Variants in PTCSC3 observed in about 807,000 individuals in gnomAD.
PTCSC3 encodes the protein papillary thyroid carcinoma susceptibility candidate 3.
chr14:36,145,854 A>G (rs933779189), intron 3 of PTCSC3, among the ~76,000 whole-genome samples: 1 of 148,328 alleles, frequency 6.7e-6, no homozygotes, highest in Non-Finnish European at 1.5e-5. Context: ...AGATTCTGGT[A>G]TGTTGTGTCT....
At chr14:36,156,090 T>C (rs955134387) in intron 2 of PTCSC3, among the ~76,000 whole-genome samples, 3 of 152,210 alleles carry the variant, frequency 2.0e-5, no homozygotes, top group African/African-American at 4.8e-5. Flanking sequence ...TGTCCAAAAC[T>C]GGTTTTTCTA....
intron 1 of PTCSC3, among the ~76,000 whole-genome samples, chr14:36,166,826 G>T (rs1882095953): frequency 6.6e-6 from 1 of 152,132 alleles, no homozygotes; most frequent in South Asian, 2.1e-4. Context: ...CTATTAAAGG[G>T]TTGAAGCATT....
chr14:36,161,694 T>C, intron 2 of PTCSC3, among the ~76,000 whole-genome samples: 1 of 152,180 alleles, frequency 6.6e-6, no homozygotes, highest in South Asian at 2.1e-4. Context: ...TCAGGAGACA[T>C]GGGGGTCAGG....
At chr14:36,164,089 T>A (rs974412477) in intron 1 of PTCSC3, 3 of 152,206 alleles carry the variant, frequency 2.0e-5, no homozygotes, top group African/African-American at 7.2e-5. Flanking sequence ...TATAACACAA[T>A]CAAATTTTCT....
At chr14:36,148,688 C>T (rs1881651396) in intron 3 of PTCSC3, among the ~76,000 whole-genome samples, 2 of 152,176 alleles carry the variant, frequency 1.3e-5, no homozygotes, top group African/African-American at 4.8e-5. Context: ...TGGCTCCTCC[C>T]CCCATTCAAT....
intron 2 of PTCSC3, among the ~76,000 whole-genome samples, chr14:36,159,608 T>C (rs1169142): frequency 0.61 from 93,195 of 151,966 alleles, 29,420 homozygotes; most frequent in Middle Eastern, 0.69. Flanking sequence ...GTATGAGATA[T>C]TGTTTGTTAT....
chr14:36,149,290 C>G (rs1311003943), intron 3 of PTCSC3, among the ~76,000 whole-genome samples: 1 of 152,056 alleles, frequency 6.6e-6, no homozygotes, highest in African/African-American at 2.4e-5. Context: ...TATTTGAGAT[C>G]CATCTCGATA....
chr14:36,167,570 C>A (rs1187939758), intron 1 of PTCSC3, among the ~76,000 whole-genome samples: 1 of 152,180 alleles, frequency 6.6e-6, no homozygotes. Flanking sequence ...TCCTAGTTCT[C>A]GATGTTATCC....
At chr14:36,172,302 G>GC (rs1882206744) in intron 1 of PTCSC3, among the ~76,000 whole-genome samples, 1 of 152,020 alleles carries the variant, frequency 6.6e-6, no homozygotes, top group Non-Finnish European at 1.5e-5. Context: ...CATCTACTCT[G>GC]CCAACTAAAA....
rs56394642 is a variant in PTCSC3, at chr14:36,154,067, G to GAA, written n.232-175_232-174dup. Among the ~76,000 whole-genome samples the GAA allele has an allele frequency of 6.3e-3, 914 of 144,720 alleles. 7 individuals carry two copies. The highest frequency in any genetic ancestry group is 0.021 in the Middle Eastern group (6 of 284). 94.9% of individuals were successfully genotyped at this position (144,720 alleles called of 152,430 possible). ...GGGTGACACAGTGGGACCCTGTCTC[G>GAA]AAAAAAAAAAAAACTACTGCTACAA... On this transcript the variant is annotated intron_variant and non_coding_transcript_variant, in intron 2 of 3. Transcript: ENST00000556013.
At chr14:36,169,267 A>G (rs1882151682) in intron 1 of PTCSC3, among the ~76,000 whole-genome samples, 1 of 152,148 alleles carries the variant, frequency 6.6e-6, no homozygotes, top group Non-Finnish European at 1.5e-5. Context: ...ATATAATTGT[A>G]ATATTAAGAA....
intron 3 of PTCSC3, among the ~76,000 whole-genome samples, chr14:36,150,957 T>C (rs1881708226): frequency 6.6e-6 from 1 of 152,196 alleles, no homozygotes. Context: ...AACCTTCCTT[T>C]ATACCTTCTT....
At chr14:36,173,340 T>C (rs1882222613) in intron 1 of PTCSC3, among the ~76,000 whole-genome samples, 1 of 152,092 alleles carries the variant, frequency 6.6e-6, no homozygotes, top group African/African-American at 2.4e-5. Flanking sequence ...TAAGTACTGG[T>C]AGAGGCAATC....
intron 1 of PTCSC3, among the ~76,000 whole-genome samples, chr14:36,164,530 A>T (rs1176613183): frequency 3.9e-5 from 6 of 152,168 alleles, no homozygotes; most frequent in African/African-American, 1.2e-4. Flanking sequence ...TCTTTTCATC[A>T]TGCTAAATTA....
intron 2 of PTCSC3, among the ~76,000 whole-genome samples, chr14:36,155,489 T>C (rs528030992): frequency 6.6e-6 from 1 of 152,134 alleles, no homozygotes; most frequent in South Asian, 2.1e-4. Context: ...ACATATATAA[T>C]AGCTTATTTT....
At chr14:36,170,175 A>G (rs930141001) in intron 1 of PTCSC3, among the ~76,000 whole-genome samples, 5 of 151,888 alleles carry the variant, frequency 3.3e-5, no homozygotes, top group Admixed American at 6.6e-5. Context: ...GTATTTTTAT[A>G]ATTAAAAATA....
At chr14:36,145,317 G>T (rs563520149) in intron 3 of PTCSC3, among the ~76,000 whole-genome samples, 137 of 151,626 alleles carry the variant, frequency 9.0e-4, no homozygotes, top group Non-Finnish European at 1.7e-3. Flanking sequence ...GTAAGATATT[G>T]ATTATTGCCC....
chr14:36,169,160 A>G (rs954469084), intron 1 of PTCSC3, among the ~76,000 whole-genome samples: 1 of 152,148 alleles, frequency 6.6e-6, no homozygotes, highest in Non-Finnish European at 1.5e-5. Context: ...TACACATTCA[A>G]TATGGGAGGC....
chr14:36,147,185 A>G (rs1318900296), intron 3 of PTCSC3, among the ~76,000 whole-genome samples: 2 of 151,986 alleles, frequency 1.3e-5, no homozygotes, highest in African/African-American at 2.4e-5. Context: ...CGTTCTCTGT[A>G]TTTCCTGAAT....
Sources: gnomAD v4.1 joint callset for allele counts (sites outside exome capture counted in the v4.1 genomes callset) on GRCh38, gnomAD v4.1.1 for gene constraint, MANE v1.5 for transcripts, NCBI Gene and HGNC (gene_info 2026-07-23, HGNC 2026-07-21) for gene names.